The following SDC2 variants were observed in gnomAD, a reference collection of about 807,000 sequenced individuals.
The protein encoded by SDC2 is syndecan-2.
SDC2 carries 13 observed loss-of-function variants against 22.2 expected under a neutral mutation model. The observed-to-expected ratio is 0.59, with a 90% CI of 0.38 to 0.93. The LOEUF (loss-of-function observed/expected upper bound fraction) is 0.93. Ranked by LOEUF, SDC2 falls within the 40% of genes least tolerant of loss-of-function variation. SDC2 has a pLI of 0.00. For missense variants in SDC2, 235 were observed against 246.8 expected (o/e 0.95, Z 0.32); for synonymous variants, 94 against 92.8 (o/e 1.01, Z -0.07).
Position 96,494,001 on chromosome 8 carries a change from T to G in SDC2, c.-271T>G. 1 of 520,468 alleles carries G rather than the reference T, an allele frequency of 1.9e-6. No individual in the cohort carries two copies. Among genetic ancestry groups the G allele is most frequent in the Non-Finnish European group, 3.3e-6 (1 of 298,906 alleles). 32.2% of individuals were successfully genotyped at this position (520,468 alleles called of 1,614,324 possible). On this transcript the variant is annotated 5_prime_UTR_variant, in exon 1 of 5. Coordinates refer to ENST00000302190, the MANE Select transcript of SDC2 (RefSeq NM_002998.4). ...CAAGAAGAGCTTCAGAGAGCAGCCT[T>G]CCCGGAGCACCAACTCCGTGTCGGG...
At chr8:96,588,752 C>T (rs1047360611) in intron 1 of SDC2, among the ~76,000 whole-genome samples, 1 of 152,158 alleles carries the variant, frequency 6.6e-6, no homozygotes, top group Non-Finnish European at 1.5e-5. Context: ...AAAGTAAATT[C>T]GACATTTACT....
intron 1 of SDC2, among the ~76,000 whole-genome samples, chr8:96,565,793 C>T (rs1814290534): frequency 1.3e-5 from 2 of 152,180 alleles, no homozygotes; most frequent in South Asian, 4.1e-4. Flanking sequence ...CGGCGTTCCT[C>T]CTGGGGATGG....
chr8:96,549,720 G>A (rs1374844586), intron 1 of SDC2, among the ~76,000 whole-genome samples: 1 of 152,116 alleles, frequency 6.6e-6, no homozygotes, highest in Non-Finnish European at 1.5e-5. Context: ...ATGCATATAT[G>A]TTTGCATATT....
chr8:96,595,503 C>T (rs906878688), intron 2 of SDC2, among the ~76,000 whole-genome samples: 1 of 145,534 alleles, frequency 6.9e-6, no homozygotes, highest in Non-Finnish European at 1.5e-5. Context: ...ACTCATGGCA[C>T]CTCTTTTTTT....
At position 96,508,881 on chromosome 8, in the gene SDC2, A is replaced by T. The variant is rs191658860; in HGVS notation, c.60+14550A>T. Among the ~76,000 whole-genome samples the T allele has an allele frequency of 1.4e-5, 2 of 142,636 alleles. 1 individual carries two copies. The highest frequency in any genetic ancestry group is 1.4e-4 in the Admixed American group (2 of 14,400). 93.6% of individuals were successfully genotyped at this position (142,636 alleles called of 152,430 possible). A position where few individuals can be genotyped will look rare whatever the true frequency, so the allele number is the denominator to read the frequency against. On this transcript the variant is annotated intron_variant, in intron 1 of 4. Coordinates refer to ENST00000302190, the MANE Select transcript of SDC2 (RefSeq NM_002998.4). Reference sequence around the variant, plus strand: ...AGTCCAATGGGTACAACCCTGGATCATGAAGTGTCTAATGGTTGCAGCCTC... The same window carrying T: ...AGTCCAATGGGTACAACCCTGGATCTTGAAGTGTCTAATGGTTGCAGCCTC...
intron 4 of SDC2, among the ~76,000 whole-genome samples, chr8:96,608,685 A>G (rs1389633588): frequency 6.6e-6 from 1 of 152,230 alleles, no homozygotes; most frequent in Non-Finnish European, 1.5e-5. Context: ...GCCATCGGGC[A>G]GGGGATAGGA....
chr8:96,517,146 A>C (rs1266616079), intron 1 of SDC2, among the ~76,000 whole-genome samples: 10 of 152,178 alleles, frequency 6.6e-5, no homozygotes, highest in Admixed American at 5.9e-4. Context: ...ATTGGGTATG[A>C]AGTGGTATCT....
intron 1 of SDC2, among the ~76,000 whole-genome samples, chr8:96,544,914 A>C (rs1245551521): frequency 6.6e-6 from 1 of 152,208 alleles, no homozygotes; most frequent in Non-Finnish European, 1.5e-5. Context: ...GTACTGTTTT[A>C]AGTGTGTACA....
intron 1 of SDC2, among the ~76,000 whole-genome samples, chr8:96,499,111 C>T (rs1258837230): frequency 6.6e-6 from 1 of 152,216 alleles, no homozygotes; most frequent in Non-Finnish European, 1.5e-5. Context: ...ATCTCCCAGC[C>T]CTGGCCCATT....
chr8:96,568,596 A>G (rs1028860029), intron 1 of SDC2, among the ~76,000 whole-genome samples: 2 of 152,262 alleles, frequency 1.3e-5, no homozygotes, highest in African/African-American at 4.8e-5. Flanking sequence ...AATAAATACC[A>G]CAGAAACAGT....
chr8:96,602,309 G>T (rs1484659982), intron 2 of SDC2, 86 bp from the exon 3 acceptor site: 1 of 1,351,246 alleles, frequency 7.4e-7, no homozygotes, highest in Non-Finnish European at 1.0e-6. Flanking sequence ...GATTCTGTCA[G>T]TGTCAACGTC....
Position 96,509,352 on chromosome 8 carries a change from G to A in SDC2, c.60+15021G>A, listed in dbSNP as rs148349386. 2.7e-3 allele frequency among the ~76,000 whole-genome samples: 385 copies of A among 142,464 alleles called. 67 individuals carry two copies. Among genetic ancestry groups the A allele is most frequent in the Non-Finnish European group, 4.9e-3 (304 of 62,370 alleles). 93.5% of individuals were successfully genotyped at this position (142,464 alleles called of 152,430 possible). A position where few individuals can be genotyped will look rare whatever the true frequency, so the allele number is the denominator to read the frequency against. ...CTAATTGGATGTACTGACCAAAGAAGACAGTGTCAATAGTCTTTTGAGGTT... is the reference window on the plus strand; with the variant it reads ...CTAATTGGATGTACTGACCAAAGAAAACAGTGTCAATAGTCTTTTGAGGTT... On this transcript the variant is annotated intron_variant, in intron 1 of 4. Coordinates refer to ENST00000302190, the MANE Select transcript of SDC2 (RefSeq NM_002998.4).
At chr8:96,592,364 A>C (rs1199784790) in intron 1 of SDC2, among the ~76,000 whole-genome samples, 2 of 152,246 alleles carry the variant, frequency 1.3e-5, no homozygotes, top group African/African-American at 4.8e-5. Context: ...ATTAAATCTA[A>C]TGAAAGCCAG....
chr8:96,494,132 C>CGAGTCCCCGAGCCT lies in SDC2; in HGVS notation c.-136_-123dup. The CGAGTCCCCGAGCCT allele has an allele frequency of 4.9e-6, 4 of 823,564 alleles. No homozygotes were observed. Among genetic ancestry groups the CGAGTCCCCGAGCCT allele is most frequent in the Non-Finnish European group, 7.3e-6 (4 of 549,386 alleles). The allele number at this position is 823,564 out of a possible 1,614,324, so 51.0% of individuals were successfully genotyped here. A position where few individuals can be genotyped will look rare whatever the true frequency, so the allele number is the denominator to read the frequency against. On this transcript the variant is annotated 5_prime_UTR_variant, in exon 1 of 5. Transcript: ENST00000302190. The stretch of plus-strand genomic sequence containing the variant: ...AGCGAGCGCCCCCGAGCCCCGAGCC[C>CGAGTCCCCGAGCCT]GAGTCCCCGAGCCTGAGCCGCAATC...
chr8:96,541,176 A>T (rs1316442073), intron 1 of SDC2, among the ~76,000 whole-genome samples: 1 of 152,152 alleles, frequency 6.6e-6, no homozygotes, highest in Non-Finnish European at 1.5e-5. Flanking sequence ...CACACCTATA[A>T]TCCCAGCACT....
intron 1 of SDC2, among the ~76,000 whole-genome samples, chr8:96,575,915 T>A (rs1458786799): frequency 6.6e-6 from 1 of 152,216 alleles, no homozygotes; most frequent in East Asian, 1.9e-4. Context: ...TTACTGTGAC[T>A]GGATTTGTTT....
At position 96,560,729 on chromosome 8, in the gene SDC2, C is replaced by G. The variant is rs200199938; in HGVS notation, c.61-32751C>G. Among the ~76,000 whole-genome samples, 3 of 138,306 alleles carry G rather than the reference C, an allele frequency of 2.2e-5. No individual in the cohort carries two copies. In the East Asian group the frequency reaches 6.1e-4, roughly 28 times the overall value. 90.7% of individuals were successfully genotyped at this position (138,306 alleles called of 152,430 possible). ...AGCTATGTACATATACTTGATTTTC[C>G]AAAAAAAAAAAATCAAGAGGTTCAT... On this transcript the variant is annotated intron_variant, in intron 1 of 4. Transcript: ENST00000302190.
intron 1 of SDC2, among the ~76,000 whole-genome samples, chr8:96,514,918 G>A (rs1024341925): frequency 6.6e-5 from 10 of 152,106 alleles, no homozygotes; most frequent in Non-Finnish European, 1.5e-5. Context: ...CCCGGGGGTC[G>A]GGGAATCCCT....
intron 1 of SDC2, among the ~76,000 whole-genome samples, chr8:96,535,169 C>T (rs549734416): frequency 3.3e-4 from 50 of 152,194 alleles, no homozygotes; most frequent in Admixed American, 2.8e-3. Flanking sequence ...CCACCACGCC[C>T]AGCTAATTTT....
Sources: gnomAD v4.1 joint callset for allele counts (sites outside exome capture counted in the v4.1 genomes callset) on GRCh38, gnomAD v4.1.1 for gene constraint, MANE v1.5 for transcripts, NCBI Gene and HGNC (gene_info 2026-07-23, HGNC 2026-07-21) for gene names.